CDH20: variants seen among roughly 807,000 people sequenced by gnomAD.
The protein encoded by CDH20 is cadherin-20.
Under a neutral mutation model 74.2 loss-of-function variants are expected in CDH20, and 29 were observed. The ratio of observed to expected loss-of-function variants is 0.39; its 90% CI spans 0.29 to 0.53. The LOEUF (loss-of-function observed/expected upper bound fraction) is 0.53, where lower values mean the gene tolerates loss of function less well. Among genes scored for constraint, CDH20 ranks in the 20% least tolerant of loss-of-function variants. The pLI is 0.69. For missense variants in CDH20, 988 were observed against 1,048.3 expected (o/e 0.94, Z 0.79); for synonymous variants, 469 against 405.4 (o/e 1.16, Z -1.88).
At chr18:61,501,980 A>T (rs1397306079) in intron 4 of CDH20, among the ~76,000 whole-genome samples, 2 of 152,204 alleles carry the variant, frequency 1.3e-5, no homozygotes, top group East Asian at 3.9e-4. Context: ...AATGCTGCAT[A>T]TATCACTGGA....
At chr18:61,343,112 T>C (rs1910005782) in intron 1 of CDH20, among the ~76,000 whole-genome samples, 1 of 152,208 alleles carries the variant, frequency 6.6e-6, no homozygotes, top group African/African-American at 2.4e-5. Flanking sequence ...TTCATCTTTA[T>C]ATGCCCTGAA....
At position 61,550,078 on chromosome 18, in the gene CDH20, G is replaced by C. The variant is rs775986557; in HGVS notation, c.1749G>C (p.Val583=). The C allele has an allele frequency of 6.2e-7, 1 of 1,614,218 alleles. No individual in the cohort carries two copies. Among genetic ancestry groups the C allele is most frequent in the Admixed American group, 1.7e-5 (1 of 60,024 alleles). Residue 583 remains valine, a synonymous_variant, in exon 11 of 12, where the codon GTG becomes GTC. Coordinates refer to ENST00000262717, the MANE Select transcript of CDH20 (RefSeq NM_031891.4). The stretch of plus-strand genomic sequence containing the variant: ...TGATAGCAGATAGCGGGCAGCCCGT[G>C]CTGAGCAGCACAGGCACACTGACCA... ...PILIADSGQP[V]LSSTGTLTIQ... is the part of the protein sequence containing the mutation.
Position 61,550,233 on chromosome 18 carries a change from A to G in CDH20, c.1900+4A>G. On this transcript the variant is annotated splice_donor_region_variant and intron_variant, in intron 11 of 11. Coordinates refer to ENST00000262717, the MANE Select transcript of CDH20 (RefSeq NM_031891.4). ...GCCTGCATCTTTGTCCTCTTAGGTGAGTAAGGGGCTGCTTTCCCTTCTGTG... is the reference window on the plus strand; with the variant it reads ...GCCTGCATCTTTGTCCTCTTAGGTGGGTAAGGGGCTGCTTTCCCTTCTGTG... The G allele has an allele frequency of 6.2e-7, 1 of 1,610,104 alleles. No individual in the cohort carries two copies. Among genetic ancestry groups the G allele is most frequent in the South Asian group, 1.1e-5 (1 of 90,924 alleles).
intron 1 of CDH20, among the ~76,000 whole-genome samples, chr18:61,434,777 GTATTAA>G (rs2144304817): frequency 1.3e-5 from 2 of 152,292 alleles, no homozygotes; most frequent in East Asian, 3.9e-4. Context: ...CTGATGATTA[GTATTAA>G]TATAACACAA....
At chr18:61,464,784 T>C (rs1909909619) in intron 1 of CDH20, among the ~76,000 whole-genome samples, 1 of 152,172 alleles carries the variant, frequency 6.6e-6, no homozygotes, top group South Asian at 2.1e-4. Context: ...CAGTGAATAA[T>C]AGCCAGACCT....
At chr18:61,538,854 G>A (rs939739521) in intron 8 of CDH20, among the ~76,000 whole-genome samples, 170 bp from the exon 9 acceptor site, 1 of 151,714 alleles carries the variant, frequency 6.6e-6, no homozygotes, top group Non-Finnish European at 1.5e-5. Context: ...GGATGGTCTC[G>A]ATCTCCTGAC....
chr18:61,496,383 C>G (rs561911892), intron 2 of CDH20, among the ~76,000 whole-genome samples: 70 of 150,378 alleles, frequency 4.7e-4, no homozygotes, highest in Non-Finnish European at 9.5e-4. Context: ...GAAAGCTGCT[C>G]CTAGCTCTGT....
At chr18:61,406,189 G>C (rs1269690913) in intron 1 of CDH20, among the ~76,000 whole-genome samples, 1 of 152,032 alleles carries the variant, frequency 6.6e-6, no homozygotes, top group East Asian at 1.9e-4. Flanking sequence ...TTTTGTTCAA[G>C]TATGAAGGTG....
intron 1 of CDH20, among the ~76,000 whole-genome samples, chr18:61,368,611 A>G (rs533219581): frequency 1.3e-5 from 2 of 152,214 alleles, no homozygotes; most frequent in African/African-American, 4.8e-5. Flanking sequence ...TTATGTCTAA[A>G]TATCATATAA....
At chr18:61,392,169 G>A (rs1346190134) in intron 1 of CDH20, among the ~76,000 whole-genome samples, 3 of 151,702 alleles carry the variant, frequency 2.0e-5, no homozygotes, top group Non-Finnish European at 4.4e-5. Context: ...TTTCAGTTCT[G>A]CTCCCACCCC....
At chr18:61,504,107 G>T (rs1432051461) in intron 5 of CDH20, among the ~76,000 whole-genome samples, 1 of 152,120 alleles carries the variant, frequency 6.6e-6, no homozygotes, top group South Asian at 2.1e-4. Context: ...ATTAAAACCT[G>T]CTCTTTCAAA....
chr18:61,550,740 T>C (rs1431351418), intron 11 of CDH20, among the ~76,000 whole-genome samples: 1 of 152,190 alleles, frequency 6.6e-6, no homozygotes, highest in African/African-American at 2.4e-5. Context: ...GGCACTGCCT[T>C]TCTCCTAAAT....
At chr18:61,344,074 T>C (rs1366689182) in intron 1 of CDH20, among the ~76,000 whole-genome samples, 2 of 152,196 alleles carry the variant, frequency 1.3e-5, no homozygotes, top group Non-Finnish European at 2.9e-5. Flanking sequence ...TTAGAGGCTA[T>C]TGGTTGACCT....
At chr18:61,358,542 C>T (rs149003375) in intron 1 of CDH20, among the ~76,000 whole-genome samples, 1 of 152,064 alleles carries the variant, frequency 6.6e-6, no homozygotes, top group Non-Finnish European at 1.5e-5. Flanking sequence ...TGTATTTTGT[C>T]TGCTACATAC....
chr18:61,362,371 TAA>T (rs1910721739), intron 1 of CDH20, among the ~76,000 whole-genome samples: 1 of 152,166 alleles, frequency 6.6e-6, no homozygotes, highest in Non-Finnish European at 1.5e-5. Context: ...GTACAGATGC[TAA>T]GTCTCCTGGC....
intron 2 of CDH20, among the ~76,000 whole-genome samples, chr18:61,496,479 C>T (rs1302030605): frequency 1.3e-5 from 2 of 151,918 alleles, no homozygotes; most frequent in African/African-American, 4.8e-5. Flanking sequence ...ACTTACAAGA[C>T]GTCAGGCCCA....
At chr18:61,377,776 G>A (rs1911291319) in intron 1 of CDH20, among the ~76,000 whole-genome samples, 1 of 151,826 alleles carries the variant, frequency 6.6e-6, no homozygotes, top group African/African-American at 2.4e-5. Flanking sequence ...TTTACATTGT[G>A]GGCCTACATC....
intron 1 of CDH20, among the ~76,000 whole-genome samples, chr18:61,426,918 A>C (rs1913090400): frequency 6.6e-6 from 1 of 152,138 alleles, no homozygotes; most frequent in Non-Finnish European, 1.5e-5. Context: ...GAGCGTAGTC[A>C]TTGGGTCTGT....
In CDH20 at chr18:61,490,485, A is replaced by G; in HGVS notation, c.-69A>G. On this transcript the variant is annotated 5_prime_UTR_variant, in exon 2 of 12. Transcript: ENST00000262717. The stretch of plus-strand genomic sequence containing the variant: ...CCAATCAAAAACTGTGTATTTTTTT[A>G]AATTTGGAAAATACTCAAGTTCCAG... The G allele has an allele frequency of 6.6e-7, 1 of 1,507,532 alleles. No individual in the cohort carries two copies. The highest frequency in any genetic ancestry group is 9.1e-7 in the Non-Finnish European group (1 of 1,098,742). 93.4% of individuals were successfully genotyped at this position (1,507,532 alleles called of 1,614,324 possible). A position where few individuals can be genotyped will look rare whatever the true frequency, so the allele number is the denominator to read the frequency against.
Sources: gnomAD v4.1 joint callset for allele counts (sites outside exome capture counted in the v4.1 genomes callset) on GRCh38, gnomAD v4.1.1 for gene constraint, MANE v1.5 for transcripts, NCBI Gene and HGNC (gene_info 2026-07-23, HGNC 2026-07-21) for gene names.